The following C1orf21 variants were observed in gnomAD, a reference collection of about 807,000 sequenced individuals.
C1orf21 encodes uncharacterized protein C1orf21.
A neutral mutation model predicts 18.7 loss-of-function variants in C1orf21; 3 were observed. That is an observed-to-expected ratio of 0.16 (90% confidence interval 0.07 to 0.42). The LOEUF is 0.42. C1orf21 is among the 10% of genes least tolerant of loss of function. The probability of loss-of-function intolerance (pLI) is 0.99; values close to 1 mark genes in which losing one functional copy is unlikely to be tolerated. For synonymous variants in C1orf21, 41 were observed against 46.4 expected, an observed-to-expected ratio of 0.88 and a Z score of 0.47; for missense variants, 104 against 143.6, an observed-to-expected ratio of 0.72 and a Z score of 1.41.
At chr1:184,452,515 G>A (rs1055284802) in intron 1 of C1orf21, among the ~76,000 whole-genome samples, 1 of 152,168 alleles carries the variant, frequency 6.6e-6, no homozygotes, top group African/African-American at 2.4e-5. Context: ...TATGAAATAA[G>A]GTCATATTTG....
chr1:184,473,474 A>G (rs1175912572), intron 1 of C1orf21, among the ~76,000 whole-genome samples: 1 of 152,210 alleles, frequency 6.6e-6, no homozygotes, highest in East Asian at 1.9e-4. Flanking sequence ...GCTAAAAAAA[A>G]AAATGCTGGA....
At chr1:184,602,781 T>G (rs1169522153) in intron 5 of C1orf21, among the ~76,000 whole-genome samples, 1 of 152,218 alleles carries the variant, frequency 6.6e-6, no homozygotes, top group African/African-American at 2.4e-5. Context: ...AATAAATTTT[T>G]TAGGTATCTG....
chr1:184,499,531 G>A (rs2101960157), intron 2 of C1orf21, among the ~76,000 whole-genome samples: 1 of 152,244 alleles, frequency 6.6e-6, no homozygotes, highest in Admixed American at 6.5e-5. Context: ...TATCCATGAA[G>A]GCTAGATGTA....
chr1:184,453,080 T>A (rs1657145747), intron 1 of C1orf21, among the ~76,000 whole-genome samples: 1 of 152,126 alleles, frequency 6.6e-6, no homozygotes, highest in African/African-American at 2.4e-5. Context: ...TAGGAAGACC[T>A]TCGAGCTGGG....
intron 1 of C1orf21, among the ~76,000 whole-genome samples, chr1:184,422,969 T>G (rs906491029): frequency 1.3e-5 from 2 of 152,154 alleles, no homozygotes; most frequent in African/African-American, 4.8e-5. Context: ...CGTTAAGGCA[T>G]GTACTACTAG....
At chr1:184,458,553 A>G (rs1320806074) in intron 1 of C1orf21, among the ~76,000 whole-genome samples, 1 of 152,212 alleles carries the variant, frequency 6.6e-6, no homozygotes. Flanking sequence ...TGAATAGTAA[A>G]TGGATATGGT....
chr1:184,547,418 G>C (rs973873654), intron 3 of C1orf21, among the ~76,000 whole-genome samples: 4 of 96,570 alleles, frequency 4.1e-5, no homozygotes, highest in African/African-American at 2.0e-4. Context: ...GATACATCCA[G>C]ACTTTTTTTT....
chr1:184,499,126 C>T (rs1216456143), intron 2 of C1orf21, among the ~76,000 whole-genome samples: 2 of 151,954 alleles, frequency 1.3e-5, no homozygotes, highest in Non-Finnish European at 2.9e-5. Context: ...CTTCTTCCTC[C>T]TACCCCTCTT....
chr1:184,490,406 C>G (rs1391859091), intron 2 of C1orf21, among the ~76,000 whole-genome samples: 1 of 152,192 alleles, frequency 6.6e-6, no homozygotes, highest in African/African-American at 2.4e-5. Flanking sequence ...TCAGCTGAGT[C>G]TTAAAATATG....
intron 4 of C1orf21, among the ~76,000 whole-genome samples, chr1:184,597,691 CTT>C (rs1242171257): frequency 1.4e-5 from 2 of 141,262 alleles, no homozygotes; most frequent in African/African-American, 5.8e-5. Flanking sequence ...GCCCCATGCT[CTT>C]CCCATATGTA....
intron 1 of C1orf21, among the ~76,000 whole-genome samples, chr1:184,471,257 T>G (rs12129904): frequency 0.33 from 49,404 of 152,008 alleles, 10,299 homozygotes; most frequent in African/African-American, 0.6. Context: ...AAATAGGGGA[T>G]CTAAGCTGTG....
At chr1:184,531,412 T>A (rs954039786) in intron 3 of C1orf21, among the ~76,000 whole-genome samples, 1 of 152,216 alleles carries the variant, frequency 6.6e-6, no homozygotes, top group Non-Finnish European at 1.5e-5. Flanking sequence ...AGTGTTGATT[T>A]TAATGTTTAC....
intron 5 of C1orf21, among the ~76,000 whole-genome samples, chr1:184,605,555 C>T (rs745552319): frequency 3.3e-5 from 5 of 152,054 alleles, no homozygotes; most frequent in African/African-American, 4.8e-5. Flanking sequence ...CTTGGAGCAG[C>T]GTAGCAGGTA....
At chr1:184,413,712 T>C (rs1038787129) in intron 1 of C1orf21, among the ~76,000 whole-genome samples, 10 of 152,186 alleles carry the variant, frequency 6.6e-5, no homozygotes, top group African/African-American at 2.4e-4. Flanking sequence ...GACTGTCAGC[T>C]TTGCCGTTAC....
At chr1:184,467,299 C>A (rs1657413187) in intron 1 of C1orf21, among the ~76,000 whole-genome samples, 1 of 152,124 alleles carries the variant, frequency 6.6e-6, no homozygotes, top group Admixed American at 6.5e-5. Flanking sequence ...ATGGTCATGG[C>A]CTTGGAAACC....
chr1:184,548,693 T>A (rs2101980735), intron 3 of C1orf21, among the ~76,000 whole-genome samples: 1 of 152,286 alleles, frequency 6.6e-6, no homozygotes, highest in Non-Finnish European at 1.5e-5. Flanking sequence ...AATTTTAGAC[T>A]TTTGATTTGG....
chr1:184,519,072 C>T (rs1658269416), intron 3 of C1orf21, among the ~76,000 whole-genome samples: 1 of 152,118 alleles, frequency 6.6e-6, no homozygotes. Flanking sequence ...CCAATAGTCA[C>T]ATTGTTTGGC....
At chr1:184,405,150 C>G (rs1040528456) in intron 1 of C1orf21, among the ~76,000 whole-genome samples, 2 of 152,088 alleles carry the variant, frequency 1.3e-5, no homozygotes, top group Admixed American at 1.3e-4. Flanking sequence ...GGTCTTTTAT[C>G]TGAATCATTA....
At chr1:184,606,013 G>C (rs1020083416) in intron 5 of C1orf21, among the ~76,000 whole-genome samples, 1 of 152,218 alleles carries the variant, frequency 6.6e-6, no homozygotes, top group Non-Finnish European at 1.5e-5. Context: ...TCTCCTTGTA[G>C]AAAGAGTAGT....
Sources: allele counts gnomAD v4.1 joint callset (sites outside exome capture counted in the v4.1 genomes callset), GRCh38; gene constraint gnomAD v4.1.1; transcripts MANE v1.5; gene names NCBI Gene and HGNC (gene_info 2026-07-23, HGNC 2026-07-21).